The following SEL1L3 variants were observed in gnomAD, a reference collection of about 807,000 sequenced individuals.
The protein encoded by SEL1L3 is SEL1L family member 3.
SEL1L3 carries 76 observed loss-of-function variants against 142.8 expected under a neutral mutation model. That is an observed-to-expected ratio of 0.53 (90% CI 0.44 to 0.64). The LOEUF (loss-of-function observed/expected upper bound fraction) is 0.64, where lower values mean the gene tolerates loss of function less well. Ranked by LOEUF, SEL1L3 falls within the 30% of genes least tolerant of loss-of-function variation. The pLI is 0.00. For synonymous variants in SEL1L3, 504 were observed against 519.6 expected, an observed-to-expected ratio of 0.97 and a Z score of 0.41; for missense variants, 1,262 against 1,381.7, an observed-to-expected ratio of 0.91 and a Z score of 1.37.
intron 5 of SEL1L3, among the ~76,000 whole-genome samples, chr4:25,832,070 C>A (rs1320657155): frequency 6.6e-6 from 1 of 152,182 alleles, no homozygotes; most frequent in African/African-American, 2.4e-5. Flanking sequence ...AAAATGTGGA[C>A]CACCGCTATG....
At chr4:25,844,711 A>C (rs764413538) in intron 2 of SEL1L3, among the ~76,000 whole-genome samples, 4 of 152,224 alleles carry the variant, frequency 2.6e-5, no homozygotes, top group Non-Finnish European at 4.4e-5. Context: ...AATCCCTGAC[A>C]AAGTCGGAGG....
the SEL1L3 span, among the ~76,000 whole-genome samples, chr4:25,725,390 AC>A: frequency 1.4e-5 from 2 of 147,774 alleles, no homozygotes; most frequent in African/African-American, 5.1e-5. Context: ...ATCTCGGCTC[AC>A]TGCAGTCTCG....
intron 23 of SEL1L3, among the ~76,000 whole-genome samples, chr4:25,752,108 C>CCGAAA (rs1553862647): frequency 1.0e-5 from 1 of 99,408 alleles, no homozygotes; most frequent in Non-Finnish European, 2.1e-5. Flanking sequence ...GACTCCATCT[C>CCGAAA]AAAAAAAAAA....
the SEL1L3 span, among the ~76,000 whole-genome samples, chr4:25,724,147 G>A: frequency 2.0e-5 from 3 of 152,106 alleles, no homozygotes; most frequent in Admixed American, 6.5e-5. Flanking sequence ...GACTGGGCCC[G>A]GTGGCTCACA....
chr4:25,721,997 A>T, the SEL1L3 span, among the ~76,000 whole-genome samples: 53,130 of 152,084 alleles, frequency 0.35, 10,709 homozygotes, highest in African/African-American at 0.56. Context: ...AATTAAAGTA[A>T]CAAAAGACAG....
In SEL1L3 at chr4:25,767,164, G is replaced by C. The variant is rs568339711; in HGVS notation, c.2845+361C>G. On this transcript the variant is annotated intron_variant, in intron 19 of 23. Coordinates refer to ENST00000399878, the MANE Select transcript of SEL1L3 (RefSeq NM_015187.5). ...CAAAAATTAGCTGGGCGTGGTCGTG[G>C]GCACCTGAAATCCCAGCTACTCGGG... Among the ~76,000 whole-genome samples, 5 of 152,088 alleles carry C rather than the reference G, an allele frequency of 3.3e-5. No homozygotes were observed. The South Asian group carries it at 8.3e-4, about 25-fold the overall frequency.
At chr4:25,769,865 T>C (rs1719029545) in intron 17 of SEL1L3, among the ~76,000 whole-genome samples, 2 of 152,214 alleles carry the variant, frequency 1.3e-5, no homozygotes, top group South Asian at 4.1e-4. Context: ...TGGTTGCTCA[T>C]GCCTGTAATC....
At chr4:25,860,856 CTA>C (rs1717656638) in intron 1 of SEL1L3, among the ~76,000 whole-genome samples, 1 of 152,228 alleles carries the variant, frequency 6.6e-6, no homozygotes. Context: ...CACTCCTTCA[CTA>C]TCTCACTTGA....
chr4:25,847,925 A>G (rs943251594), intron 1 of SEL1L3, 61 bp from the exon 2 acceptor site: 9 of 956,916 alleles, frequency 9.4e-6, no homozygotes, highest in Non-Finnish European at 1.4e-5. Flanking sequence ...ATCATAACAG[A>G]TACTTGAATC....
intron 1 of SEL1L3, among the ~76,000 whole-genome samples, chr4:25,858,643 C>T (rs576403890): frequency 4.3e-4 from 65 of 152,058 alleles, no homozygotes; most frequent in African/African-American, 1.2e-3. Context: ...TGGAGTGCAG[C>T]GGCGCGATCT....
intron 13 of SEL1L3, among the ~76,000 whole-genome samples, chr4:25,786,640 T>C (rs956192916): frequency 4.6e-5 from 7 of 152,226 alleles, no homozygotes; most frequent in African/African-American, 1.7e-4. Context: ...CCTCTCTGTG[T>C]ATGAGCTCCC....
At chr4:25,736,234 T>TGTGTGTGTGTGTGTGTGC in the SEL1L3 span, among the ~76,000 whole-genome samples, 1 of 150,928 alleles carries the variant, frequency 6.6e-6, no homozygotes, top group Non-Finnish European at 1.5e-5. Flanking sequence ...TGTGTGTGTG[T>TGTGTGTGTGTGTGTGTGC]GTGTGTGTGA....
At chr4:25,746,575 CTATA>C (rs1717277967), downstream of SEL1L3, among the ~76,000 whole-genome samples, 1 of 133,572 alleles carries the variant, frequency 7.5e-6, no homozygotes, top group Non-Finnish European at 1.6e-5. Context: ...TATATTCTTT[CTATA>C]TATAGATAGA....
At chr4:25,714,225 G>A in the SEL1L3 span, among the ~76,000 whole-genome samples, 1 of 152,056 alleles carries the variant, frequency 6.6e-6, no homozygotes, top group African/African-American at 2.4e-5. Context: ...AGCCCCATGG[G>A]ACCACCAGCC....
intron 7 of SEL1L3, among the ~76,000 whole-genome samples, chr4:25,820,220 T>C (rs1714661544): frequency 2.0e-5 from 3 of 152,226 alleles, no homozygotes; most frequent in Admixed American, 2.0e-4. Context: ...TTTCTCTGGC[T>C]GCACTCTGTC....
At chr4:25,771,609 A>G (rs1460235201) in intron 17 of SEL1L3, among the ~76,000 whole-genome samples, 1 of 152,202 alleles carries the variant, frequency 6.6e-6, no homozygotes. Flanking sequence ...TCAGGACCCC[A>G]GCTCTATTGC....
At chr4:25,807,162 C>T (rs1713644723) in intron 9 of SEL1L3, among the ~76,000 whole-genome samples, 1 of 152,212 alleles carries the variant, frequency 6.6e-6, no homozygotes, top group South Asian at 2.1e-4. Flanking sequence ...CTTTCTAATG[C>T]TTCAATAGTA....
Position 25,833,524 on chromosome 4 carries a change from G to T in SEL1L3, c.906C>A (p.Ala302=). Reference sequence around the variant, plus strand: ...CAAAGTACAGAATCCCACAGAGGTTGGCCTTGCAATAATGGAGTAAATAAA... The same window carrying T: ...CAAAGTACAGAATCCCACAGAGGTTTGCCTTGCAATAATGGAGTAAATAAA... The part of the protein sequence containing the change: ...LWLYLLHYCK[A]NLCGILYFVD... Residue 302 remains alanine (A), a synonymous_variant, in exon 4 of 24, where the codon GCC becomes GCA. Coordinates refer to ENST00000399878, the MANE Select transcript of SEL1L3 (RefSeq NM_015187.5). 1 of 1,612,796 alleles carries T rather than the reference G, an allele frequency of 6.2e-7. No individual in the cohort carries two copies. Among genetic ancestry groups the T allele is most frequent in the South Asian group, 1.1e-5 (1 of 90,998 alleles).
chr4:25,733,523 C>CTTTTT, the SEL1L3 span, among the ~76,000 whole-genome samples: 1 of 121,946 alleles, frequency 8.2e-6, no homozygotes, highest in Non-Finnish European at 1.6e-5. Flanking sequence ...TATTCCTTAG[C>CTTTTT]TTTTTTTTTT....
Sources: gnomAD v4.1 joint callset for allele counts (sites outside exome capture counted in the v4.1 genomes callset) on GRCh38, gnomAD v4.1.1 for gene constraint, MANE v1.5 for transcripts, NCBI Gene and HGNC (gene_info 2026-07-23, HGNC 2026-07-21) for gene names.